The following OSBPL9 variants were observed in gnomAD, a reference collection of about 807,000 sequenced individuals.
OSBPL9 encodes oxysterol binding protein like 9.
In OSBPL9, 40 loss-of-function variants were observed where a neutral mutation model predicts 106.6. The observed-to-expected ratio is 0.38, with a 90% CI of 0.29 to 0.49. The LOEUF (loss-of-function observed/expected upper bound fraction) is 0.49. Among genes scored for constraint, OSBPL9 ranks in the 20% least tolerant of loss-of-function variants. OSBPL9 has a pLI of 0.97. For synonymous variants in OSBPL9, 269 were observed against 295.4 expected, an observed-to-expected ratio of 0.91 and a Z score of 0.92; for missense variants, 609 against 887.2, an observed-to-expected ratio of 0.69 and a Z score of 3.98.
chr1:51,761,785 T>G, intron 10 of OSBPL9, 82 bp from the exon 11 acceptor site: 1 of 1,100,060 alleles, frequency 9.1e-7, no homozygotes, highest in South Asian at 1.3e-5. Flanking sequence ...GCCTTTAGGA[T>G]TTTGAATCCC....
upstream of OSBPL9, among the ~76,000 whole-genome samples, chr1:51,616,541 C>G (rs1022457374): frequency 6.6e-6 from 1 of 152,224 alleles, no homozygotes; most frequent in Non-Finnish European, 1.5e-5. Context: ...CTCAGGCCTT[C>G]CCTGTTTGGG....
At chr1:51,635,348 A>T (rs535424138) in intron 1 of OSBPL9, among the ~76,000 whole-genome samples, 139 of 152,214 alleles carry the variant, frequency 9.1e-4, no homozygotes, top group African/African-American at 3.2e-3. Context: ...TAATCTTCCT[A>T]GATTAGATAA....
chr1:51,531,058 G>A, the OSBPL9 span, among the ~76,000 whole-genome samples: 1 of 152,084 alleles, frequency 6.6e-6, no homozygotes, highest in Non-Finnish European at 1.5e-5. Flanking sequence ...CAGATCACCT[G>A]AGGTCAGGAG....
At chr1:51,752,980 C>T (rs1669585175) in intron 8 of OSBPL9, among the ~76,000 whole-genome samples, 1 of 152,104 alleles carries the variant, frequency 6.6e-6, no homozygotes, top group African/African-American at 2.4e-5. Flanking sequence ...CAGTTGCTTA[C>T]CATATAGGAG....
At chr1:51,697,697 T>A (rs1361077805) in intron 3 of OSBPL9, among the ~76,000 whole-genome samples, 1 of 151,486 alleles carries the variant, frequency 6.6e-6, no homozygotes, top group African/African-American at 2.4e-5. Context: ...TGAAATCTTT[T>A]GAATAACTTC....
intron 4 of OSBPL9, among the ~76,000 whole-genome samples, chr1:51,723,755 C>G (rs1288131805): frequency 1.3e-5 from 2 of 152,176 alleles, no homozygotes; most frequent in African/African-American, 2.4e-5. Context: ...CATTCACCTA[C>G]TGAAGAATAT....
chr1:51,537,235 T>G, the OSBPL9 span, among the ~76,000 whole-genome samples: 2 of 152,234 alleles, frequency 1.3e-5, no homozygotes, highest in East Asian at 1.9e-4. Context: ...TTTTTAAATG[T>G]TCAACTTGTC....
chr1:51,648,397 C>T (rs962904450), intron 1 of OSBPL9, among the ~76,000 whole-genome samples: 1 of 152,200 alleles, frequency 6.6e-6, no homozygotes, highest in African/African-American at 2.4e-5. Context: ...CCAGTGGCCT[C>T]TGTACCTCAC....
chr1:51,661,660 T>C (rs1163658729), intron 2 of OSBPL9, among the ~76,000 whole-genome samples: 1 of 151,928 alleles, frequency 6.6e-6, no homozygotes, highest in African/African-American at 2.4e-5. Context: ...AAAAGTGGAG[T>C]TGAAAGAAAA....
At chr1:51,532,647 C>A in the OSBPL9 span, among the ~76,000 whole-genome samples, 6 of 152,094 alleles carry the variant, frequency 3.9e-5, no homozygotes, top group African/African-American at 1.2e-4. Flanking sequence ...ATCCACTTTC[C>A]CAAAGGCAGA....
At chr1:51,521,848 C>T in the OSBPL9 span, among the ~76,000 whole-genome samples, 32 of 152,204 alleles carry the variant, frequency 2.1e-4, no homozygotes, top group Non-Finnish European at 4.0e-4. Context: ...ACCTCCACCT[C>T]CTGGGTTCAA....
intron 8 of OSBPL9, among the ~76,000 whole-genome samples, chr1:51,753,790 T>A (rs1194031638): frequency 1.3e-5 from 2 of 152,234 alleles, no homozygotes; most frequent in Admixed American, 1.3e-4. Context: ...GCCTAAATGA[T>A]TAGTGTATTG....
At chr1:51,777,060 A>T in intron 15 of OSBPL9, 142 bp downstream of exon 15, 5 of 642,468 alleles carry the variant, frequency 7.8e-6, no homozygotes, top group South Asian at 2.3e-5. Flanking sequence ...ATGTGTTTAC[A>T]CTGGTTGCCT....
At chr1:51,743,944 T>C (rs1338934338) in intron 4 of OSBPL9, among the ~76,000 whole-genome samples, 2 of 152,208 alleles carry the variant, frequency 1.3e-5, no homozygotes, top group Non-Finnish European at 2.9e-5. Flanking sequence ...TAAATATATC[T>C]GGATTTTGTA....
chr1:51,782,498 T>C (rs1048396324), intron 16 of OSBPL9, 61 bp from the exon 17 acceptor site: 8 of 1,389,992 alleles, frequency 5.8e-6, no homozygotes, highest in Non-Finnish European at 4.0e-6. Context: ...AATTACCAGA[T>C]TCTCTGAAAT....
the OSBPL9 span, among the ~76,000 whole-genome samples, chr1:51,541,228 C>T: frequency 6.6e-6 from 1 of 152,210 alleles, no homozygotes; most frequent in Non-Finnish European, 1.5e-5. Context: ...GTCTTAGTCA[C>T]TTTCATTATG....
At chr1:51,588,085 A>G (rs1163304112) in intron 1 of OSBPL9, among the ~76,000 whole-genome samples, 1 of 152,192 alleles carries the variant, frequency 6.6e-6, no homozygotes, top group Admixed American at 6.6e-5. Context: ...AAAATTATGT[A>G]TACAGAAAAA....
At chr1:51,522,465 C>A in the OSBPL9 span, among the ~76,000 whole-genome samples, 1 of 152,068 alleles carries the variant, frequency 6.6e-6, no homozygotes, top group Admixed American at 6.5e-5. Context: ...GCCAAATTCC[C>A]AAAAAAGGCC....
At chr1:51,659,628 C>T (rs1048901467) in intron 2 of OSBPL9, among the ~76,000 whole-genome samples, 5 of 150,512 alleles carry the variant, frequency 3.3e-5, no homozygotes, top group African/African-American at 7.3e-5. Flanking sequence ...TAAAATAAAC[C>T]CTGGTTAGAT....
Sources: gnomAD v4.1 joint callset for allele counts (sites outside exome capture counted in the v4.1 genomes callset) on GRCh38, gnomAD v4.1.1 for gene constraint, MANE v1.5 for transcripts, NCBI Gene and HGNC (gene_info 2026-07-23, HGNC 2026-07-21) for gene names.